The following FNDC3A variants were observed in gnomAD, a reference collection of about 807,000 sequenced individuals.
FNDC3A encodes fibronectin type-III domain-containing protein 3A.
In FNDC3A, 32 loss-of-function variants were observed where a neutral mutation model predicts 148.9. The ratio of observed to expected loss-of-function variants is 0.21; its 90% CI spans 0.16 to 0.29. FNDC3A has a LOEUF of 0.29. Among genes scored for constraint, FNDC3A ranks in the 10% least tolerant of loss-of-function variants. The probability of loss-of-function intolerance (pLI) is 1.00; values close to 1 mark genes in which losing one functional copy is unlikely to be tolerated. For synonymous variants in FNDC3A, 472 were observed against 473.6 expected (o/e 1.00, Z 0.04); for missense variants, 1,191 against 1,452.8 (o/e 0.82, Z 2.93).
chr13:49,050,775 A>G (rs575572204), intron 2 of FNDC3A, among the ~76,000 whole-genome samples: 20 of 152,320 alleles, frequency 1.3e-4, no homozygotes, highest in Middle Eastern at 3.4e-3. Context: ...GTTGCCGTCT[A>G]TCTCATTTCT....
At chr13:49,020,800 TA>T (rs1242721494) in intron 2 of FNDC3A, among the ~76,000 whole-genome samples, 2 of 152,238 alleles carry the variant, frequency 1.3e-5, no homozygotes, top group Non-Finnish European at 2.9e-5. Context: ...TTATAGAAAC[TA>T]AGAATCAGAA....
At chr13:49,180,359 G>A (rs1035689898) in intron 14 of FNDC3A, among the ~76,000 whole-genome samples, 1 of 152,114 alleles carries the variant, frequency 6.6e-6, no homozygotes, top group Non-Finnish European at 1.5e-5. Context: ...CTTTAGCAAT[G>A]GGAAATTTGA....
chr13:49,012,853 T>G (rs1235414176), intron 2 of FNDC3A, among the ~76,000 whole-genome samples: 1 of 98,274 alleles, frequency 1.0e-5, no homozygotes, highest in African/African-American at 3.8e-5. Context: ...CATTTTCTGT[T>G]CCTGGTGAGT....
chr13:49,093,657 C>G (rs780399562), intron 3 of FNDC3A, among the ~76,000 whole-genome samples: 1 of 152,176 alleles, frequency 6.6e-6, no homozygotes, highest in Non-Finnish European at 1.5e-5. Context: ...ACAGTGACTT[C>G]TCAAACATAG....
intron 3 of FNDC3A, among the ~76,000 whole-genome samples, chr13:49,091,754 C>G (rs1174244262): frequency 1.3e-5 from 2 of 152,272 alleles, no homozygotes; most frequent in East Asian, 3.9e-4. Flanking sequence ...GGCAGGGTGG[C>G]AGGAGTGGAG....
intron 4 of FNDC3A, among the ~76,000 whole-genome samples, chr13:49,120,333 G>C (rs1187140134): frequency 6.6e-6 from 1 of 152,122 alleles, no homozygotes; most frequent in Non-Finnish European, 1.5e-5. Flanking sequence ...AAGAGCTCCT[G>C]AAGGAAGCCC....
chr13:49,172,271 C>A (rs1884792392), intron 11 of FNDC3A, among the ~76,000 whole-genome samples, 175 bp downstream of exon 11: 1 of 152,164 alleles, frequency 6.6e-6, no homozygotes, highest in Non-Finnish European at 1.5e-5. Context: ...CCTGACTTAA[C>A]TTCCCTATTT....
intron 3 of FNDC3A, among the ~76,000 whole-genome samples, chr13:49,093,658 T>G (rs1593580600): frequency 1.3e-5 from 2 of 152,192 alleles, no homozygotes; most frequent in East Asian, 3.8e-4. Context: ...CAGTGACTTC[T>G]CAAACATAGA....
chr13:49,180,829 A>T (rs1885263506), intron 14 of FNDC3A, among the ~76,000 whole-genome samples: 1 of 152,010 alleles, frequency 6.6e-6, no homozygotes, highest in African/African-American at 2.4e-5. Context: ...TGGGAGGCAA[A>T]TGTTGCAGTC....
chr13:49,190,961 C>CT (rs3215738), intron 17 of FNDC3A, 54 bp from the exon 18 acceptor site: 26,787 of 1,184,924 alleles, frequency 0.023, 425 homozygotes, highest in Middle Eastern at 0.048. Context: ...CAAAAGCAAT[C>CT]TGATTATTTG....
intron 1 of FNDC3A, among the ~76,000 whole-genome samples, chr13:48,980,069 A>T (rs1293862618): frequency 6.6e-6 from 1 of 151,014 alleles, no homozygotes; most frequent in Non-Finnish European, 1.5e-5. Context: ...ATGTTATCCT[A>T]AAAAAAAAGT....
rs12861549 is a variant in FNDC3A at position 49,192,380 on chromosome 13, C to T, written c.2226+996C>T. On this transcript the variant is annotated intron_variant, in intron 19 of 25. Transcript: ENST00000492622. The stretch of plus-strand genomic sequence containing the variant: ...TGTGATCTTGGCTCTCTGCAACCTC[C>T]GCCTCCTGGGCTCAGGTGACCCTTC... Among the ~76,000 whole-genome samples, 639 of 152,218 alleles carry T rather than the reference C, an allele frequency of 4.2e-3. 4 individuals carry two copies. Among genetic ancestry groups the T allele is most frequent in the Non-Finnish European group, 7.4e-3 (502 of 67,992 alleles).
At chr13:49,096,857 G>A (rs1313988061) in intron 3 of FNDC3A, among the ~76,000 whole-genome samples, 1 of 152,102 alleles carries the variant, frequency 6.6e-6, no homozygotes, top group Non-Finnish European at 1.5e-5. Flanking sequence ...AAGTCATTGA[G>A]TGCTTAGGAA....
At chr13:49,113,469 C>A (rs1477748343) in intron 3 of FNDC3A, among the ~76,000 whole-genome samples, 1 of 152,096 alleles carries the variant, frequency 6.6e-6, no homozygotes, top group Non-Finnish European at 1.5e-5. Flanking sequence ...TGGCTGTAAT[C>A]CGGATTTGTT....
At chr13:49,126,435 C>T (rs1881705715) in intron 4 of FNDC3A, among the ~76,000 whole-genome samples, 1 of 152,112 alleles carries the variant, frequency 6.6e-6, no homozygotes, top group Non-Finnish European at 1.5e-5. Flanking sequence ...AGCTCTGAAC[C>T]TGTTAAATAA....
At chr13:48,991,157 C>A (rs1373344575) in intron 1 of FNDC3A, among the ~76,000 whole-genome samples, 1 of 152,106 alleles carries the variant, frequency 6.6e-6, no homozygotes, top group African/African-American at 2.4e-5. Flanking sequence ...TTGTTGGATA[C>A]AATTTTTTAA....
chr13:49,109,792 A>G (rs553152943), intron 3 of FNDC3A, among the ~76,000 whole-genome samples: 1 of 152,232 alleles, frequency 6.6e-6, no homozygotes, highest in African/African-American at 2.4e-5. Flanking sequence ...TAAGAGGCAA[A>G]TAACAGCCTG....
At chr13:49,128,311 T>G (rs556519388) in intron 4 of FNDC3A, among the ~76,000 whole-genome samples, 1 of 152,210 alleles carries the variant, frequency 6.6e-6, no homozygotes, top group Non-Finnish European at 1.5e-5. Context: ...TGCTTTTGTC[T>G]TTGCCTCCCT....
intron 2 of FNDC3A, among the ~76,000 whole-genome samples, chr13:49,032,086 A>G (rs901959663): frequency 6.6e-6 from 1 of 152,220 alleles, no homozygotes; most frequent in African/African-American, 2.4e-5. Flanking sequence ...CAAAACCACA[A>G]TGAGATACTG....
Sources: gnomAD v4.1 joint callset for allele counts (sites outside exome capture counted in the v4.1 genomes callset) on GRCh38, gnomAD v4.1.1 for gene constraint, MANE v1.5 for transcripts, NCBI Gene and HGNC (gene_info 2026-07-23, HGNC 2026-07-21) for gene names.